The following NCALD variants were observed in gnomAD, a reference collection of about 807,000 sequenced individuals.
NCALD encodes neurocalcin delta, also known as neurocalcin-delta.
A neutral mutation model predicts 18.6 loss-of-function variants in NCALD; 10 were observed. The ratio of observed to expected loss-of-function variants is 0.54; its 90% CI spans 0.33 to 0.91. The LOEUF (loss-of-function observed/expected upper bound fraction) is 0.91. Among genes scored for constraint, NCALD ranks in the 40% least tolerant of loss-of-function variants. NCALD has a pLI of 0.03. For missense variants in NCALD, 184 were observed against 247.6 expected (o/e 0.74, Z 1.72); for synonymous variants, 88 against 87.4 (o/e 1.01, Z -0.04).
chr8:101,935,661 C>T (rs1818733587), intron 2 of NCALD, among the ~76,000 whole-genome samples: 1 of 151,618 alleles, frequency 6.6e-6, no homozygotes, highest in Admixed American at 6.6e-5. Context: ...GGAGGTAATT[C>T]TGAGTGGAGT....
At chr8:101,899,304 A>G (rs1160794905) in intron 3 of NCALD, among the ~76,000 whole-genome samples, 1 of 151,756 alleles carries the variant, frequency 6.6e-6, no homozygotes, top group Admixed American at 6.6e-5. Flanking sequence ...ATTCCATTGA[A>G]TTTTTCTAGT....
intron 3 of NCALD, among the ~76,000 whole-genome samples, chr8:101,901,685 G>T (rs143027700): frequency 6.6e-5 from 10 of 151,902 alleles, no homozygotes; most frequent in Admixed American, 6.6e-4. Flanking sequence ...GAACTACATC[G>T]GATAGTGTTA....
chr8:101,709,282 AGT>A (rs1815674408), intron 2 of NCALD, among the ~76,000 whole-genome samples: 1 of 152,158 alleles, frequency 6.6e-6, no homozygotes, highest in Non-Finnish European at 1.5e-5. Context: ...TTACAGCTGA[AGT>A]GTGAATTGGC....
At chr8:102,008,479 A>AC (rs1167915412) in intron 2 of NCALD, among the ~76,000 whole-genome samples, 2 of 151,728 alleles carry the variant, frequency 1.3e-5, no homozygotes, top group Non-Finnish European at 2.9e-5. Context: ...GCAGTTAAAA[A>AC]AAAAAAAAAA....
intron 1 of NCALD, among the ~76,000 whole-genome samples, chr8:102,066,180 A>G (rs566778463): frequency 2.0e-5 from 3 of 152,360 alleles, no homozygotes; most frequent in African/African-American, 4.8e-5. Flanking sequence ...GAAATGTCAC[A>G]GGTCATGTGC....
intron 2 of NCALD, among the ~76,000 whole-genome samples, chr8:101,701,836 C>G (rs1458260151): frequency 6.6e-6 from 1 of 152,202 alleles, no homozygotes; most frequent in Non-Finnish European, 1.5e-5. Flanking sequence ...ACTTTCTCAC[C>G]TTGCTTAGAC....
At chr8:101,983,885 G>A (rs984387212) in intron 2 of NCALD, among the ~76,000 whole-genome samples, 1 of 152,168 alleles carries the variant, frequency 6.6e-6, no homozygotes, top group Admixed American at 6.5e-5. Context: ...TCTGAGTTTG[G>A]TGCCCTACCC....
chr8:101,897,371 T>TG (rs1372410652), intron 3 of NCALD, among the ~76,000 whole-genome samples: 1 of 92,512 alleles, frequency 1.1e-5, no homozygotes, highest in African/African-American at 4.3e-5. Context: ...TGTGGTGGGG[T>TG]GGGGGGAGGG....
chr8:101,896,708 C>A (rs1344668742), intron 3 of NCALD, among the ~76,000 whole-genome samples: 1 of 146,554 alleles, frequency 6.8e-6, no homozygotes, highest in African/African-American at 2.7e-5. Flanking sequence ...GGGTGAAGGA[C>A]ATGAACAGAC....
intron 4 of NCALD, among the ~76,000 whole-genome samples, chr8:101,868,454 C>T (rs1356984310): frequency 6.6e-6 from 1 of 152,138 alleles, no homozygotes; most frequent in Non-Finnish European, 1.5e-5. Context: ...AAAGGAAAAC[C>T]CCAACTTGTC....
At chr8:101,804,524 G>A (rs1480824911) in intron 4 of NCALD, among the ~76,000 whole-genome samples, 3 of 112,084 alleles carry the variant, frequency 2.7e-5, no homozygotes, top group African/African-American at 1.2e-4. Flanking sequence ...ATATAACAAA[G>A]ATTATATAAT....
At chr8:101,768,707 T>TCAAAAAA in intron 1 of NCALD, among the ~76,000 whole-genome samples, 1 of 93,382 alleles carries the variant, frequency 1.1e-5, no homozygotes, top group East Asian at 3.4e-4. Flanking sequence ...AGACTCCATC[T>TCAAAAAA]CAAAAAACAA....
At chr8:101,963,886 C>G (rs563220158) in intron 2 of NCALD, among the ~76,000 whole-genome samples, 1 of 151,966 alleles carries the variant, frequency 6.6e-6, no homozygotes, top group Non-Finnish European at 1.5e-5. Context: ...CTCACTGATA[C>G]GGAAAGGATC....
At chr8:101,836,741 A>T (rs796527146) in intron 4 of NCALD, among the ~76,000 whole-genome samples, 1 of 152,348 alleles carries the variant, frequency 6.6e-6, no homozygotes, top group African/African-American at 2.4e-5. Flanking sequence ...TTCCTCAGTA[A>T]GACAATTTTT....
intron 4 of NCALD, among the ~76,000 whole-genome samples, chr8:101,877,635 T>C (rs1816282739): frequency 6.6e-6 from 1 of 152,220 alleles, no homozygotes; most frequent in Non-Finnish European, 1.5e-5. Flanking sequence ...AAAGATACTA[T>C]GTATGCTATA....
chr8:101,979,736 C>T (rs1469427738), intron 2 of NCALD, among the ~76,000 whole-genome samples: 2 of 152,092 alleles, frequency 1.3e-5, no homozygotes, highest in African/African-American at 4.8e-5. Context: ...TGTAACAGCT[C>T]AAATCATTAT....
At chr8:101,895,537 TA>T (rs1390329714) in intron 3 of NCALD, among the ~76,000 whole-genome samples, 4 of 150,528 alleles carry the variant, frequency 2.7e-5, no homozygotes, top group Non-Finnish European at 4.4e-5. Context: ...GAGAAGGAAA[TA>T]AAGGGTATTC....
At chr8:102,072,819 T>G (rs1165308649) in intron 1 of NCALD, among the ~76,000 whole-genome samples, 2 of 152,198 alleles carry the variant, frequency 1.3e-5, no homozygotes, top group East Asian at 1.9e-4. Context: ...GAAAGATTTT[T>G]CTAAATAATT....
Position 102,087,702 on chromosome 8 carries a change from T to A in NCALD, c.-210+36535A>T, listed in dbSNP as rs989006056. Among the ~76,000 whole-genome samples, 5 of 152,132 alleles carry A rather than the reference T, an allele frequency of 3.3e-5. No individual in the cohort carries two copies. The East Asian group carries it at 9.6e-4, about 29-fold the overall frequency. On this transcript the variant is annotated intron_variant, in intron 1 of 6. Coordinates refer to the NCALD transcript ENST00000311028. ...TGCAGTCTTTGCTGACGGCTATGGG[T>A]GACAAAATTAGGGATGTACAAGACC...
Sources: allele counts gnomAD v4.1 joint callset (sites outside exome capture counted in the v4.1 genomes callset), GRCh38; gene constraint gnomAD v4.1.1; transcripts MANE v1.5; gene names NCBI Gene and HGNC (gene_info 2026-07-23, HGNC 2026-07-21).